Variants in MGA observed in about 807,000 individuals in gnomAD.
MGA encodes the protein MAX dimerization protein MGA.
Under a neutral mutation model 261.1 loss-of-function variants are expected in MGA, and 40 were observed. The ratio of observed to expected loss-of-function variants is 0.15; its 90% CI spans 0.12 to 0.20. The LOEUF (loss-of-function observed/expected upper bound fraction) is 0.20, where lower values mean the gene tolerates loss of function less well. Among genes scored for constraint, MGA ranks in the 10% least tolerant of loss-of-function variants. The pLI is 1.00. For synonymous variants in MGA, 1,302 were observed against 1,290.6 expected (o/e 1.01, Z -0.19); for missense variants, 3,397 against 3,630.5 (o/e 0.94, Z 1.65).
chr15:41,621,554 A>C (rs1945963465), intron 1 of MGA: 1 of 152,174 alleles, frequency 6.6e-6, no homozygotes, highest in African/African-American at 2.4e-5. Context: ...CCGCGAGCGG[A>C]GCGGCGCGTG....
At chr15:41,621,821 TC>T (rs1381271009) in intron 1 of MGA, among the ~76,000 whole-genome samples, 1 of 152,196 alleles carries the variant, frequency 6.6e-6, no homozygotes, top group Non-Finnish European at 1.5e-5. Context: ...TCACTGAGGT[TC>T]GACCGGGCCC....
At chr15:41,678,090 ATTTT>A (rs540221309) in intron 2 of MGA, among the ~76,000 whole-genome samples, 2 of 137,654 alleles carry the variant, frequency 1.5e-5, no homozygotes, top group African/African-American at 2.7e-5. Flanking sequence ...TCAATTTTGA[ATTTT>A]TTTTTTTTTT....
intron 9 of MGA, 105 bp from the exon 10 acceptor site, chr15:41,727,075 G>T (rs1208998764): frequency 1.3e-6 from 1 of 774,196 alleles, no homozygotes; most frequent in Middle Eastern, 3.9e-4. Flanking sequence ...TTATTTTAAC[G>T]AGTTACTGCC....
chr15:41,644,830 C>G (rs1459144677), intron 1 of MGA, among the ~76,000 whole-genome samples: 2 of 152,120 alleles, frequency 1.3e-5, no homozygotes, highest in East Asian at 3.8e-4. Flanking sequence ...TGTTGTATAG[C>G]TAATCAGTTG....
At chr15:41,656,608 A>G (rs2150766792), upstream of MGA, among the ~76,000 whole-genome samples, 1 of 151,766 alleles carries the variant, frequency 6.6e-6, no homozygotes, top group South Asian at 2.1e-4. Flanking sequence ...AGTCCGTCCC[A>G]CCTCAGCCTC....
intron 20 of MGA, among the ~76,000 whole-genome samples, chr15:41,761,058 A>G (rs1360046990): frequency 2.0e-5 from 3 of 152,246 alleles, no homozygotes; most frequent in Non-Finnish European, 4.4e-5. Flanking sequence ...GGCATGAGCC[A>G]CTGCACCCGG....
In MGA at chr15:41,748,742, C is replaced by G; in HGVS notation, c.5318C>G (p.Thr1773Ser). The G allele has an allele frequency of 6.2e-7, 1 of 1,613,950 alleles. No individual in the cohort carries two copies. The highest frequency in any genetic ancestry group is 8.5e-7 in the Non-Finnish European group (1 of 1,179,882). The change falls in exon 16 of 24, where the codon ACT (threonine) becomes AGT (serine). Residue 1773 changes from threonine to serine, a missense_variant. Physicochemically the swap from Thr to Ser is moderately conservative, Grantham distance 58 (BLOSUM62 1). Around this residue, in one of 9 missense-constraint regions of MGA, gnomAD observed 1,410 missense variants for 1,386.4 expected, o/e 1.02. Coordinates refer to ENST00000219905, the MANE Select transcript of MGA (RefSeq NM_001164273.2). ...ATTCCAGTGCAGCAGGGTTCTCCTA[C>G]TCTTAGACCTGTCTCAAACACACAA...
chr15:41,765,856 C>A, intron 23 of MGA, 148 bp from the exon 24 acceptor site: 1 of 619,274 alleles, frequency 1.6e-6, no homozygotes. Flanking sequence ...ATTTGAAGAA[C>A]TGATATTTCT....
intron 4 of MGA, 37 bp downstream of exon 4, chr15:41,698,978 G>A (rs2151328160): frequency 6.5e-7 from 1 of 1,544,850 alleles, no homozygotes; most frequent in South Asian, 1.2e-5. Context: ...TGTATTTGTG[G>A]TTTGGGCTCC....
Position 41,764,720 on chromosome 15 carries a change from T to G in MGA, c.7745-166T>G, listed in dbSNP as rs187383510. Among the ~76,000 whole-genome samples, 4 of 152,072 alleles carry G rather than the reference T, an allele frequency of 2.6e-5. No homozygotes were observed. In the East Asian group the frequency reaches 7.8e-4, roughly 29 times the overall value. ...GCCTAATTTAAAAAAATTTTTCTTG[T>G]AGAGATGGAGATGGGGTCTCACCAT... On this transcript the variant is annotated intron_variant, in intron 22 of 23. Coordinates refer to ENST00000219905, the MANE Select transcript of MGA (RefSeq NM_001164273.2).
chr15:41,672,355 A>C (rs1485235271), intron 2 of MGA, among the ~76,000 whole-genome samples: 1 of 152,164 alleles, frequency 6.6e-6, no homozygotes, highest in Non-Finnish European at 1.5e-5. Flanking sequence ...AGGTTTTGCC[A>C]TGTTGCCCAG....
intron 2 of MGA, among the ~76,000 whole-genome samples, chr15:41,678,159 C>G (rs1016284344): frequency 6.7e-6 from 1 of 148,458 alleles, no homozygotes; most frequent in African/African-American, 2.5e-5. Flanking sequence ...GGTGTGATCT[C>G]GACTCACTGC....
At chr15:41,732,049 C>T (rs1389366668) in intron 11 of MGA, among the ~76,000 whole-genome samples, 1 of 152,018 alleles carries the variant, frequency 6.6e-6, no homozygotes. Flanking sequence ...ATATTGCTAG[C>T]AAGCAGTGAA....
At chr15:41,649,408 A>G (rs1420906651) in intron 1 of MGA, among the ~76,000 whole-genome samples, 2 of 151,702 alleles carry the variant, frequency 1.3e-5, no homozygotes, top group Admixed American at 6.6e-5. Context: ...CATATAGTCT[A>G]TAATTTGTAG....
chr15:41,754,645 C>A, intron 18 of MGA, 78 bp downstream of exon 18: 1 of 1,390,870 alleles, frequency 7.2e-7, no homozygotes, highest in Non-Finnish European at 9.5e-7. Flanking sequence ...TGTTCAGGAG[C>A]TCTGGGTAAC....
intron 1 of MGA, among the ~76,000 whole-genome samples, chr15:41,666,997 T>G (rs1467441376): frequency 6.6e-6 from 1 of 152,228 alleles, no homozygotes; most frequent in African/African-American, 2.4e-5. Context: ...TTCTATTATT[T>G]TATACTCCCA....
intron 16 of MGA, 36 bp from the exon 17 acceptor site, chr15:41,749,075 A>G (rs750186614): frequency 6.3e-7 from 1 of 1,582,352 alleles, no homozygotes; most frequent in African/African-American, 1.4e-5. Context: ...ATGGGCAGTC[A>G]TGATTTAAAA....
chr15:41,748,874 T>C lies in MGA; in HGVS notation c.5450T>C (p.Leu1817Pro), dbSNP rs551801540. 1,435 of 1,614,006 alleles carry C rather than the reference T, an allele frequency of 8.9e-4. 21 individuals carry two copies. The South Asian group carries it at 0.015, about 17-fold the overall frequency. Residue 1817 changes from leucine to proline, a missense_variant, in exon 16 of 24, where the codon CTT (leucine) becomes CCT (proline). Transcript: ENST00000219905. Reference sequence around the variant, plus strand: ...GTCCAGCTTCTACCTTTGCATCAGCTTCGAGGCTCTAATACCCAGCCCAAC... The same window carrying C: ...GTCCAGCTTCTACCTTTGCATCAGCCTCGAGGCTCTAATACCCAGCCCAAC...
At position 41,727,525 on chromosome 15, in the gene MGA, A is replaced by G. The variant is rs1713643363; in HGVS notation, c.3657+119A>G. The G allele has an allele frequency of 8.8e-6, 8 of 908,044 alleles. No individual in the cohort carries two copies. In the South Asian group the frequency reaches 1.0e-4, roughly 11 times the overall value. The allele number at this position is 908,044 out of a possible 1,614,324, so 56.2% of individuals were successfully genotyped here. The stretch of plus-strand genomic sequence containing the variant: ...TCATTTTGCTTTCAGTAATATGTTT[A>G]TAAGATATCTTCCTTTCTGGTTTAA... On this transcript the variant is annotated intron_variant, in intron 10 of 23. Transcript: ENST00000219905.
Sources: gnomAD v4.1 joint callset for allele counts (sites outside exome capture counted in the v4.1 genomes callset) on GRCh38, gnomAD v4.1.1 for gene constraint, gnomAD v4.1.1 regional missense constraint, MANE v1.5 for transcripts, NCBI Gene and HGNC (gene_info 2026-07-23, HGNC 2026-07-21) for gene names.